CSMD1: variants seen among roughly 807,000 people sequenced by gnomAD.
The protein encoded by CSMD1 is CUB and Sushi multiple domains 1.
A neutral mutation model predicts 417.5 loss-of-function variants in CSMD1; 213 were observed. The observed-to-expected ratio is 0.51, with a 90% CI of 0.46 to 0.57. CSMD1 has a LOEUF of 0.57. Among genes scored for constraint, CSMD1 ranks in the 20% least tolerant of loss-of-function variants. CSMD1 has a pLI of 0.00. For synonymous variants in CSMD1, 2,862 were observed against 1,736.8 expected, an observed-to-expected ratio of 1.65 and a Z score of -16.11; for missense variants, 6,923 against 4,529.7, an observed-to-expected ratio of 1.53 and a Z score of -15.17.
chr8:4,903,358 C>A lies in CSMD1; in HGVS notation c.85+90974G>T, dbSNP rs139085322. Reference sequence around the variant, plus strand: ...CTTTGATAAGTAGCTCTTAAATATACCCCTGTGGTTTTAATTCAGGAAGCT... The same window carrying A: ...CTTTGATAAGTAGCTCTTAAATATAACCCTGTGGTTTTAATTCAGGAAGCT... On this transcript the variant is annotated intron_variant, in intron 1 of 69. Transcript: ENST00000635120. Among the ~76,000 whole-genome samples, 1,064 of 152,176 alleles carry A rather than the reference C, an allele frequency of 7.0e-3. 12 individuals are homozygous for A. The highest frequency in any genetic ancestry group is 0.024 in the African/African-American group (1,014 of 41,512).
At chr8:3,597,903 T>A (rs1258210360) in intron 8 of CSMD1, among the ~76,000 whole-genome samples, 4 of 152,118 alleles carry the variant, frequency 2.6e-5, no homozygotes, top group Non-Finnish European at 5.9e-5. Flanking sequence ...AGTTGATGGG[T>A]GCAGCAAACC....
intron 37 of CSMD1, among the ~76,000 whole-genome samples, chr8:3,166,767 T>C (rs549931544): frequency 2.6e-5 from 4 of 152,114 alleles, no homozygotes; most frequent in Non-Finnish European, 5.9e-5. Context: ...AAAAGAATTA[T>C]TTATTCTTAA....
chr8:4,385,541 T>G (rs1803392921), intron 3 of CSMD1, among the ~76,000 whole-genome samples: 1 of 152,208 alleles, frequency 6.6e-6, no homozygotes, highest in South Asian at 2.1e-4. Context: ...CTCCTTTCAT[T>G]TTTTTGGACT....
intron 2 of CSMD1, among the ~76,000 whole-genome samples, chr8:4,503,840 C>A (rs978474148): frequency 2.0e-5 from 3 of 152,052 alleles, no homozygotes; most frequent in Non-Finnish European, 4.4e-5. Flanking sequence ...AGGCATTTTT[C>A]TCAGAGAATA....
Position 4,788,065 on chromosome 8 carries a change from T to C in CSMD1, c.86-150507A>G, listed in dbSNP as rs866376014. 31 of 1,597,210 alleles carry C rather than the reference T, an allele frequency of 1.9e-5. No homozygotes were observed. In the Middle Eastern group the frequency reaches 1.6e-3, roughly 81 times the overall value. ...ATGGTAAAGAAAAACTTTGAGTGGGTTGCAGAGAAAGTAGAGTTGCTTTTG... is the reference window on the plus strand; with the variant it reads ...ATGGTAAAGAAAAACTTTGAGTGGGCTGCAGAGAAAGTAGAGTTGCTTTTG... On this transcript the variant is annotated intron_variant, in intron 1 of 69. Coordinates refer to ENST00000635120, the MANE Select transcript of CSMD1 (RefSeq NM_033225.6).
intron 46 of CSMD1, among the ~76,000 whole-genome samples, chr8:3,100,443 C>A (rs1440756330): frequency 1.3e-5 from 2 of 152,188 alleles, no homozygotes; most frequent in Non-Finnish European, 2.9e-5. Context: ...TTGCTTAGAG[C>A]AATACTCAGT....
At chr8:4,619,708 G>C (rs74380482) in intron 2 of CSMD1, among the ~76,000 whole-genome samples, 2,467 of 152,168 alleles carry the variant, frequency 0.016, 36 homozygotes, top group Middle Eastern at 0.037. Context: ...AGCTATTGTT[G>C]ACCTGATTTA....
At chr8:3,221,842 T>A (rs1355943085) in intron 28 of CSMD1, among the ~76,000 whole-genome samples, 1 of 152,100 alleles carries the variant, frequency 6.6e-6, no homozygotes, top group East Asian at 1.9e-4. Context: ...GGAGCCCATA[T>A]GTCCTTCAGG....
chr8:3,690,428 T>G (rs1800177888), intron 7 of CSMD1, among the ~76,000 whole-genome samples: 1 of 152,232 alleles, frequency 6.6e-6, no homozygotes, highest in Non-Finnish European at 1.5e-5. Flanking sequence ...AAGCAATTTC[T>G]TCTGTATGTG....
chr8:3,898,051 T>C (rs943006584), intron 5 of CSMD1, among the ~76,000 whole-genome samples: 60 of 152,176 alleles, frequency 3.9e-4, no homozygotes, highest in Admixed American at 3.3e-4. Flanking sequence ...ACCTAAATTA[T>C]GTACTTACAA....
intron 26 of CSMD1, among the ~76,000 whole-genome samples, chr8:3,250,650 A>G (rs934081302): frequency 2.6e-5 from 4 of 152,196 alleles, no homozygotes; most frequent in Non-Finnish European, 5.9e-5. Flanking sequence ...TTCCACAATC[A>G]TTGAACTAGT....
chr8:2,979,849 A>T (rs752053803), intron 54 of CSMD1, among the ~76,000 whole-genome samples: 2 of 152,240 alleles, frequency 1.3e-5, no homozygotes, highest in Admixed American at 6.5e-5. Context: ...ACAAAAAGCC[A>T]TGTGTGAAGT....
At chr8:4,950,808 C>G (rs1484161633) in intron 1 of CSMD1, among the ~76,000 whole-genome samples, 1 of 152,028 alleles carries the variant, frequency 6.6e-6, no homozygotes, top group Non-Finnish European at 1.5e-5. Context: ...CACCACTCAA[C>G]CACTCTTGGT....
chr8:4,436,878 A>G (rs1035650228), intron 2 of CSMD1, among the ~76,000 whole-genome samples: 2 of 152,170 alleles, frequency 1.3e-5, no homozygotes, highest in South Asian at 2.1e-4. Context: ...AGAGTACTCC[A>G]TTGTGTTTAA....
intron 52 of CSMD1, among the ~76,000 whole-genome samples, chr8:3,002,745 T>A (rs143539461): frequency 3.6e-4 from 55 of 152,314 alleles, no homozygotes; most frequent in African/African-American, 1.3e-3. Flanking sequence ...CAAGGACTTG[T>A]AATGGTCAAG....
chr8:3,323,919 AG>A (rs1806322178), intron 23 of CSMD1, among the ~76,000 whole-genome samples: 7 of 142,660 alleles, frequency 4.9e-5, no homozygotes, highest in African/African-American at 1.9e-4. Context: ...TTGTTAAAAT[AG>A]ACACACATCT....
At chr8:3,531,392 C>G (rs73176954) in intron 10 of CSMD1, among the ~76,000 whole-genome samples, 203 of 152,186 alleles carry the variant, frequency 1.3e-3, no homozygotes, top group Non-Finnish European at 1.3e-3. Context: ...ATTATAGAAT[C>G]TGGAATTATA....
chr8:4,230,245 T>A (rs1714675), intron 3 of CSMD1, among the ~76,000 whole-genome samples: 2 of 152,136 alleles, frequency 1.3e-5, no homozygotes, highest in African/African-American at 4.8e-5. Flanking sequence ...TGCTCTACAA[T>A]AGATTTATAT....
chr8:4,504,112 G>T (rs1387966694), intron 2 of CSMD1, among the ~76,000 whole-genome samples: 1 of 152,102 alleles, frequency 6.6e-6, no homozygotes, highest in African/African-American at 2.4e-5. Context: ...TAAAGAAAAT[G>T]TGGTGTATAT....
Sources: gnomAD v4.1 joint callset for allele counts (sites outside exome capture counted in the v4.1 genomes callset) on GRCh38, gnomAD v4.1.1 for gene constraint, MANE v1.5 for transcripts, NCBI Gene and HGNC (gene_info 2026-07-23, HGNC 2026-07-21) for gene names.